The following RNPEPL1 variants were observed in gnomAD, a reference collection of about 807,000 sequenced individuals.
RNPEPL1 encodes the protein aminopeptidase RNPEPL1.
RNPEPL1 carries 46 observed loss-of-function variants against 69.0 expected under a neutral mutation model. That is an observed-to-expected ratio of 0.67 (90% CI 0.53 to 0.85). The LOEUF is 0.85. RNPEPL1 is among the 40% of genes least tolerant of loss of function. The probability of loss-of-function intolerance (pLI) is 0.00; values close to 1 mark genes in which losing one functional copy is unlikely to be tolerated. For synonymous variants in RNPEPL1, 525 were observed against 454.1 expected (o/e 1.16, Z -1.98); for missense variants, 869 against 992.5 (o/e 0.88, Z 1.67).
At chr2:240,570,359 G>A (rs2093017733) in intron 1 of RNPEPL1, among the ~76,000 whole-genome samples, 2 of 152,224 alleles carry the variant, frequency 1.3e-5, no homozygotes, top group Non-Finnish European at 2.9e-5. Flanking sequence ...AGTCCCCCAA[G>A]TCTGCGTGGT....
At chr2:240,576,439 T>C in intron 8 of RNPEPL1, 96 bp from the exon 9 acceptor site, 1 of 1,218,396 alleles carries the variant, frequency 8.2e-7, no homozygotes, top group Non-Finnish European at 1.1e-6. Flanking sequence ...GCCACCTGCC[T>C]GGAACACACT....
chr2:240,576,735 C>T lies in RNPEPL1; in HGVS notation c.1711C>T (p.Arg571Trp), dbSNP rs142230734. The T allele has an allele frequency of 8.7e-6, 14 of 1,612,772 alleles. No homozygotes were observed. The highest frequency in any genetic ancestry group is 8.0e-5 in the African/African-American group (6 of 74,928). Residue 571 changes from arginine to tryptophan, a missense_variant, in exon 9 of 11, where the codon CGG becomes TGG. Arg to Trp is a moderately radical substitution (Grantham distance 101). This residue lies in a region of RNPEPL1 where 610 missense variants were observed against 790.9 expected (regional missense o/e 0.77). Coordinates refer to ENST00000270357, the MANE Select transcript of RNPEPL1 (RefSeq NM_018226.6). ...CTTCCAGACAGCACTCTTCCTGGAC[C>T]GGCTCCTGGATGGGTCCCCGCTGCC... is the stretch of plus-strand genomic sequence containing the variant. ...RTFQTALFLD[R>W]LLDGSPLPQE... is the part of the protein sequence containing the mutation.
intron 1 of RNPEPL1, among the ~76,000 whole-genome samples, chr2:240,571,439 G>A (rs994038897): frequency 1.3e-5 from 2 of 152,216 alleles, no homozygotes; most frequent in Admixed American, 6.5e-5. Flanking sequence ...TTCCGGCAGA[G>A]GGGAGGGTGG....
In RNPEPL1 at chr2:240,574,806, C is replaced by T. The variant is rs73108019; in HGVS notation, c.1288+178C>T. 286 of 667,212 alleles carry T rather than the reference C, an allele frequency of 4.3e-4. 1 individual carries two copies. The African/African-American group carries it at 4.3e-3, about 10-fold the overall frequency. The allele number at this position is 667,212 out of a possible 1,614,324, so 41.3% of individuals were successfully genotyped here. A position where few individuals can be genotyped will look rare whatever the true frequency, so the allele number is the denominator to read the frequency against. Reference sequence around the variant, plus strand: ...AGGCCTCCCCAGGCTCCCACAGCCACCGCCGCTTCCCTGGCTCTGAGCAGC... The same window carrying T: ...AGGCCTCCCCAGGCTCCCACAGCCATCGCCGCTTCCCTGGCTCTGAGCAGC... On this transcript the variant is annotated intron_variant, in intron 6 of 10. Coordinates refer to ENST00000270357, the MANE Select transcript of RNPEPL1 (RefSeq NM_018226.6).
chr2:240,573,014 C>T (rs1055900460), intron 2 of RNPEPL1, 96 bp from the exon 3 acceptor site: 3 of 1,376,946 alleles, frequency 2.2e-6, no homozygotes, highest in Non-Finnish European at 2.9e-6. Context: ...GTAGGGTTTC[C>T]TGCTACGAAT....
chr2:240,577,129 GT>G, intron 10 of RNPEPL1, 139 bp downstream of exon 10: 1 of 1,085,520 alleles, frequency 9.2e-7, no homozygotes. Context: ...GTAGGGGTCT[GT>G]TGGGAGTGGG....
In RNPEPL1 at chr2:240,577,935, T is replaced by G; in HGVS notation, c.*43T>G. 1 of 1,428,076 alleles carries G rather than the reference T, an allele frequency of 7.0e-7. No individual in the cohort carries two copies. The highest frequency in any genetic ancestry group is 9.3e-7 in the Non-Finnish European group (1 of 1,080,588). 88.5% of individuals were successfully genotyped at this position (1,428,076 alleles called of 1,614,324 possible). A position where few individuals can be genotyped will look rare whatever the true frequency, so the allele number is the denominator to read the frequency against. On this transcript the variant is annotated 3_prime_UTR_variant, in exon 11 of 11. Transcript: ENST00000270357. ...CCCTCGACCTCCCAGACACCACAAT[T>G]GTGCCTTCTGTGGGCCAGGCCTGCC...
intron 1 of RNPEPL1, among the ~76,000 whole-genome samples, chr2:240,571,054 C>T (rs910999263): frequency 6.6e-6 from 1 of 152,072 alleles, no homozygotes; most frequent in Non-Finnish European, 1.5e-5. Context: ...TGGGGAGACT[C>T]CTGCAGGGAG....
At chr2:240,572,696 C>T in intron 2 of RNPEPL1, 133 bp downstream of exon 2, 3 of 1,180,968 alleles carry the variant, frequency 2.5e-6, no homozygotes, top group Non-Finnish European at 3.5e-6. Flanking sequence ...AGCAGGAGCC[C>T]ACCCTCCCTA....
Position 240,568,978 on chromosome 2 carries a change from C to T in RNPEPL1, c.392C>T (p.Ala131Val), listed in dbSNP as rs763828249. The T allele has an allele frequency of 6.8e-7, 1 of 1,473,240 alleles. No homozygotes were observed. Among genetic ancestry groups the T allele is most frequent in the South Asian group, 1.3e-5 (1 of 78,242 alleles). 91.3% of individuals were successfully genotyped at this position (1,473,240 alleles called of 1,614,324 possible). A position where few individuals can be genotyped will look rare whatever the true frequency, so the allele number is the denominator to read the frequency against. The change falls in exon 1 of 11, where the codon GCC (alanine) becomes GTC (valine). Residue 131 changes from alanine (A) to valine (V), a missense_variant. Ala to Val is a moderately conservative substitution (Grantham distance 64, BLOSUM62 0). This residue lies in a region of RNPEPL1 where 259 missense variants were observed against 201.5 expected (regional missense o/e 1.29). Transcript: ENST00000270357. This position sits in a 1 kb window ranked among gnomAD's most constrained non-coding sequence, Gnocchi z 6.2. ...AFPEAPGSEP[A>V]CCPLAFRVDP... Reference sequence around the variant, plus strand: ...CCCGAGGCGCCCGGCTCCGAGCCCGCCTGCTGTCCGCTGGCCTTCAGGGTG... The same window carrying T: ...CCCGAGGCGCCCGGCTCCGAGCCCGTCTGCTGTCCGCTGGCCTTCAGGGTG...
chr2:240,570,451 G>A (rs894314852), intron 1 of RNPEPL1, among the ~76,000 whole-genome samples: 6 of 152,214 alleles, frequency 3.9e-5, no homozygotes, highest in Admixed American at 2.6e-4. Context: ...CAGAGTATTC[G>A]ACTCTAACCT....
chr2:240,573,948 C>G, intron 4 of RNPEPL1, 57 bp downstream of exon 4: 12 of 1,495,522 alleles, frequency 8.0e-6, no homozygotes, highest in Non-Finnish European at 1.1e-5. Flanking sequence ...AGAGGGGGAG[C>G]CCCTCGTCTG....
Position 240,574,247 on chromosome 2 carries a change from G to C in RNPEPL1, c.1073G>C (p.Ser358Thr), listed in dbSNP as rs2093031183. 6.2e-7 allele frequency: 1 copy of C among 1,612,946 alleles called. No homozygotes were observed. The highest frequency in any genetic ancestry group is 8.5e-7 in the Non-Finnish European group (1 of 1,179,972). ...GATGTCATCCACGAGGTGGCCCACA[G>C]TTGGTTCGGCAACGCTGTCACCAAC... ...VIDVIHEVAH[S>T]WFGNAVTNAT... Residue 358 changes from serine (S) to threonine (T), a missense_variant, in exon 5 of 11, where the codon AGT becomes ACT. By Grantham distance (58) the Ser-to-Thr change is moderately conservative. Coordinates refer to ENST00000270357, the MANE Select transcript of RNPEPL1 (RefSeq NM_018226.6).
intron 3 of RNPEPL1, 51 bp from the exon 4 acceptor site, chr2:240,573,724 G>A (rs368952513): frequency 9.8e-6 from 14 of 1,430,878 alleles, no homozygotes; most frequent in Non-Finnish European, 1.2e-5. Flanking sequence ...CTGGTGGGGT[G>A]AGCGGGGCTG....
In RNPEPL1 at chr2:240,576,938, G is replaced by A. The variant is rs370744537; in HGVS notation, c.1832G>A (p.Arg611His). The A allele has an allele frequency of 9.3e-6, 15 of 1,613,366 alleles. No homozygotes were observed. The highest frequency in any genetic ancestry group is 1.1e-5 in the Non-Finnish European group (13 of 1,179,970). ...ATCCGCTGGCTGCAGATTGTGGTCC[G>A]CAACGACTACTATCCTGACCTCCAC... ...IRIRWLQIVV[R>H]NDYYPDLHRV... is the part of the protein sequence containing the mutation. The change falls in exon 10 of 11, where the codon CGC becomes CAC. Residue 611 changes from arginine to histidine, a missense_variant. Coordinates refer to ENST00000270357, the MANE Select transcript of RNPEPL1 (RefSeq NM_018226.6).
chr2:240,573,414 G>A (rs958214429), intron 3 of RNPEPL1, among the ~76,000 whole-genome samples, 153 bp downstream of exon 3: 1 of 28,730 alleles, frequency 3.5e-5, no homozygotes, highest in Admixed American at 2.7e-4. Context: ...TGGTGCCACC[G>A]CCAGGGCCCT....
chr2:240,574,909 A>G (rs934808415), intron 6 of RNPEPL1, 121 bp from the exon 7 acceptor site: 1 of 801,698 alleles, frequency 1.2e-6, no homozygotes, highest in East Asian at 2.4e-5. Flanking sequence ...ACACATCTGG[A>G]CATGTGAGGG....
rs1468396965 is a variant in RNPEPL1, at chr2:240,568,545, G to C, written c.-42G>C. The C allele has an allele frequency of 3.8e-5, 35 of 912,244 alleles. No homozygotes were observed. Among genetic ancestry groups the C allele is most frequent in the Non-Finnish European group, 4.6e-5 (35 of 769,102 alleles). The allele number at this position is 912,244 out of a possible 1,614,324, so 56.5% of individuals were successfully genotyped here. A position where few individuals can be genotyped will look rare whatever the true frequency, so the allele number is the denominator to read the frequency against. On this transcript the variant is annotated 5_prime_UTR_variant, in exon 1 of 11. Coordinates refer to ENST00000270357, the MANE Select transcript of RNPEPL1 (RefSeq NM_018226.6). The surrounding 1 kb of genome is among the most constrained non-coding windows in gnomAD (Gnocchi z 6.2). ...GCCCGGCGCCCCTCGCCCGCGGCCC[G>C]GCGCGGCCGCCGCCCATGGATTTCA...
chr2:240,574,634 TGCTCCTCAGGACCC>T lies in RNPEPL1; in HGVS notation c.1288+12_1288+25del, dbSNP rs2093032521. ...GCAGGTCAAGCTGGAGCCAGGTACC[TGCTCCTCAGGACCC>T]GCTCCCACAACTGGGGATGTCACCC... On this transcript the variant is annotated splice_region_variant and intron_variant, in intron 6 of 10. Coordinates refer to ENST00000270357, the MANE Select transcript of RNPEPL1 (RefSeq NM_018226.6). The T allele has an allele frequency of 6.2e-7, 1 of 1,608,704 alleles. No individual in the cohort carries two copies. The highest frequency in any genetic ancestry group is 1.3e-5 in the African/African-American group (1 of 75,006).
Sources: gnomAD v4.1 joint callset for allele counts (sites outside exome capture counted in the v4.1 genomes callset) on GRCh38, gnomAD v4.1.1 for gene constraint, gnomAD v4.1.1 regional missense constraint, Gnocchi (gnomAD v3.1) non-coding constraint, MANE v1.5 for transcripts, NCBI Gene and HGNC (gene_info 2026-07-23, HGNC 2026-07-21) for gene names.